The following SMG6 variants were observed in gnomAD, a reference collection of about 807,000 sequenced individuals.
SMG6 encodes telomerase-binding protein EST1A.
A neutral mutation model predicts 142.2 loss-of-function variants in SMG6; 66 were observed. The observed-to-expected ratio is 0.46, with a 90% CI of 0.38 to 0.57. The LOEUF (loss-of-function observed/expected upper bound fraction) is 0.57. SMG6 is among the 20% of genes least tolerant of loss of function. The pLI, the probability that SMG6 is intolerant of heterozygous loss-of-function variation, is 0.00. For synonymous variants in SMG6, 779 were observed against 702.4 expected (o/e 1.11, Z -1.72); for missense variants, 1,793 against 1,832.0 (o/e 0.98, Z 0.39).
At chr17:2,151,782 C>T (rs1463091576) in intron 13 of SMG6, among the ~76,000 whole-genome samples, 2 of 152,306 alleles carry the variant, frequency 1.3e-5, no homozygotes, top group African/African-American at 2.4e-5. Context: ...AAGAATTCCA[C>T]ACAACATGAA....
chr17:2,217,622 C>T (rs2073053826), intron 10 of SMG6, among the ~76,000 whole-genome samples: 1 of 152,140 alleles, frequency 6.6e-6, no homozygotes, highest in Non-Finnish European at 1.5e-5. Flanking sequence ...TTACCCTCTA[C>T]CATCCTCCTG....
At chr17:2,153,910 G>A (rs1239708019) in intron 13 of SMG6, among the ~76,000 whole-genome samples, 11 of 142,750 alleles carry the variant, frequency 7.7e-5, no homozygotes, top group African/African-American at 2.9e-4. Flanking sequence ...CACGTAGAGT[G>A]TGACGGTGAC....
In SMG6 at chr17:2,244,714, G is replaced by C; in HGVS notation, c.2667C>G (p.Asn889Lys). ...GGAGAAAACTGAGGATGAACCTTTTGTTCAGCTGCATGGGAAAAAGGGAGA... is the reference window on the plus strand; with the variant it reads ...GGAGAAAACTGAGGATGAACCTTTTCTTCAGCTGCATGGGAAAAAGGGAGA... ...GLGSLSPSDL[N>K]KRFILSFLHA... Residue 889 changes from asparagine to lysine, a missense_variant, in exon 9 of 19, where the codon AAC becomes AAG. Physicochemically the swap from Asn to Lys is moderately conservative, Grantham distance 94. Coordinates refer to ENST00000263073, the MANE Select transcript of SMG6 (RefSeq NM_017575.5). 6.2e-7 allele frequency: 1 copy of C among 1,613,630 alleles called. No individual in the cohort carries two copies. Among genetic ancestry groups the C allele is most frequent in the Non-Finnish European group, 8.5e-7 (1 of 1,179,540 alleles).
At chr17:2,087,912 C>T in intron 13 of SMG6, 2 of 985,860 alleles carry the variant, frequency 2.0e-6, no homozygotes, top group Non-Finnish European at 2.4e-6. Flanking sequence ...AGCCACCTGA[C>T]CCCACTATGA....
chr17:2,142,754 GGC>G (rs1366823215), intron 13 of SMG6, among the ~76,000 whole-genome samples: 1 of 151,934 alleles, frequency 6.6e-6, no homozygotes, highest in African/African-American at 2.4e-5. Flanking sequence ...CAGGCGTGGT[GGC>G]GCATGCCTGT....
chr17:2,177,792 G>A (rs147697386), intron 12 of SMG6, among the ~76,000 whole-genome samples: 33 of 152,302 alleles, frequency 2.2e-4, no homozygotes, highest in African/African-American at 7.9e-4. Context: ...ACAGAAGCTA[G>A]GCACAAAGAA....
rs183260805 is a variant in SMG6 at position 2,263,777 on chromosome 17, C to T, written c.2661+18870G>A. Among the ~76,000 whole-genome samples the T allele has an allele frequency of 2.9e-3, 447 of 152,174 alleles. 8 individuals carry two copies. The highest frequency in any genetic ancestry group is 7.2e-4 in the Non-Finnish European group (49 of 67,998). On this transcript the variant is annotated intron_variant, in intron 8 of 18. Transcript: ENST00000263073. ...TCCCCCTGGAGTCAAACAAACAGCC[C>T]GCAGACTGGGGAAGGATCACGAGCC... is the stretch of plus-strand genomic sequence containing the variant.
At chr17:2,253,194 T>A (rs2074087975) in intron 8 of SMG6, among the ~76,000 whole-genome samples, 1 of 151,836 alleles carries the variant, frequency 6.6e-6, no homozygotes, top group Non-Finnish European at 1.5e-5. Flanking sequence ...CAGGCTGGAG[T>A]GCAGTGGCGC....
chr17:2,280,662 A>T, intron 8 of SMG6: 1 of 824,570 alleles, frequency 1.2e-6, no homozygotes, highest in Non-Finnish European at 1.5e-6. Flanking sequence ...TTACCCAAGG[A>T]TGATGTACAA....
Position 2,300,036 on chromosome 17 carries a change from G to C in SMG6, c.717C>G (p.Gly239=). The C allele has an allele frequency of 6.2e-7, 1 of 1,614,160 alleles. No individual in the cohort carries two copies. Among genetic ancestry groups the C allele is most frequent in the East Asian group, 2.2e-5 (1 of 44,870 alleles). ...THDDPARGRP[G]SAKRYSRSDK... is the part of the protein sequence containing the mutation. ...CTGAGCGGGAGTAGCGCTTTGCGGAGCCCGGCCTCCCGCGGGCTGGGTCGT... is the reference window on the plus strand; with the variant it reads ...CTGAGCGGGAGTAGCGCTTTGCGGACCCCGGCCTCCCGCGGGCTGGGTCGT... Residue 239 remains glycine (G), a synonymous_variant, in exon 2 of 19, where the codon GGC becomes GGG. Coordinates refer to ENST00000263073, the MANE Select transcript of SMG6 (RefSeq NM_017575.5).
At chr17:2,134,846 C>T (rs2070241265) in intron 13 of SMG6, among the ~76,000 whole-genome samples, 3 of 151,382 alleles carry the variant, frequency 2.0e-5, no homozygotes, top group African/African-American at 7.3e-5. Flanking sequence ...TCCTCCCTGT[C>T]ATCATCCCAG....
intron 13 of SMG6, among the ~76,000 whole-genome samples, chr17:2,096,335 G>C (rs2068854481): frequency 6.6e-6 from 1 of 152,182 alleles, no homozygotes; most frequent in South Asian, 2.1e-4. Flanking sequence ...AGCCTCCTGA[G>C]TAGCTGGGAT....
At chr17:2,271,415 TA>T (rs2074540876) in intron 8 of SMG6, among the ~76,000 whole-genome samples, 2 of 150,936 alleles carry the variant, frequency 1.3e-5, no homozygotes, top group African/African-American at 4.9e-5. Flanking sequence ...GAAACCAGCC[TA>T]TACATTTTAA....
At chr17:2,253,922 T>C (rs1469982771) in intron 8 of SMG6, among the ~76,000 whole-genome samples, 2 of 152,128 alleles carry the variant, frequency 1.3e-5, no homozygotes, top group Admixed American at 6.5e-5. Flanking sequence ...AACGGAGACT[T>C]CACTTAGGCC....
At chr17:2,124,670 T>C (rs574719608) in intron 13 of SMG6, among the ~76,000 whole-genome samples, 1 of 152,150 alleles carries the variant, frequency 6.6e-6, no homozygotes, top group East Asian at 1.9e-4. Context: ...GGGGAGTCAT[T>C]AGAGAGAAGC....
intron 6 of SMG6, among the ~76,000 whole-genome samples, chr17:2,285,635 T>C (rs1199677631): frequency 6.6e-6 from 1 of 151,884 alleles, no homozygotes; most frequent in East Asian, 1.9e-4. Flanking sequence ...AGCCAGGAGT[T>C]CAGGACCAGC....
Position 2,300,125 on chromosome 17 carries a change from C to T in SMG6, c.628G>A (p.Gly210Arg), listed in dbSNP as rs2151417611. 1 of 1,614,140 alleles carries T rather than the reference C, an allele frequency of 6.2e-7. No homozygotes were observed. Among genetic ancestry groups the T allele is most frequent in the Non-Finnish European group, 8.5e-7 (1 of 1,179,976 alleles). The stretch of plus-strand genomic sequence containing the variant: ...TTTCCTTTTTCTCCTTTTGCAGCCC[C>T]TACTCTCCCACCACCTGGGCTCTTT... ...IEKSPGGGRV[G>R]AAKGEKGKRM... Residue 210 changes from glycine to arginine, a missense_variant, in exon 2 of 19, where the codon GGG (glycine) becomes AGG (arginine). Physicochemically the swap from Gly to Arg is moderately radical, Grantham distance 125 (BLOSUM62 -2). Coordinates refer to ENST00000263073, the MANE Select transcript of SMG6 (RefSeq NM_017575.5).
intron 13 of SMG6, among the ~76,000 whole-genome samples, chr17:2,128,584 T>C (rs1209908017): frequency 6.6e-6 from 1 of 152,110 alleles, no homozygotes; most frequent in Non-Finnish European, 1.5e-5. Flanking sequence ...TCTCCAAGCA[T>C]TGTATACCCA....
intron 10 of SMG6, among the ~76,000 whole-genome samples, chr17:2,227,071 G>A (rs1432991645): frequency 6.6e-6 from 1 of 152,120 alleles, no homozygotes; most frequent in Non-Finnish European, 1.5e-5. Flanking sequence ...AAAAAGAAAT[G>A]ACAATACCAA....
Sources: allele counts gnomAD v4.1 joint callset (sites outside exome capture counted in the v4.1 genomes callset), GRCh38; gene constraint gnomAD v4.1.1; transcripts MANE v1.5; gene names NCBI Gene and HGNC (gene_info 2026-07-23, HGNC 2026-07-21).